SIRPG: variants seen among roughly 807,000 people sequenced by gnomAD.
The protein encoded by SIRPG is signal regulatory protein gamma, also known as signal-regulatory protein gamma.
In SIRPG, 38 loss-of-function variants were observed where a neutral mutation model predicts 35.7. The observed-to-expected ratio is 1.06, with a 90% CI of 0.82 to 1.40. The LOEUF (loss-of-function observed/expected upper bound fraction) is 1.40, where lower values mean the gene tolerates loss of function less well. Among genes scored for constraint, SIRPG ranks in the 40% most tolerant of loss-of-function variants. The probability of loss-of-function intolerance (pLI) is 0.00; values close to 1 mark genes in which losing one functional copy is unlikely to be tolerated. For synonymous variants in SIRPG, 215 were observed against 190.4 expected (o/e 1.13, Z -1.06); for missense variants, 519 against 483.0 (o/e 1.07, Z -0.70).
intron 4 of SIRPG, among the ~76,000 whole-genome samples, chr20:1,634,885 T>TA (rs1371369692): frequency 6.6e-6 from 1 of 151,314 alleles, no homozygotes; most frequent in East Asian, 2.0e-4. Context: ...CTACTAAAAA[T>TA]ACAAAAAATT....
At chr20:1,643,390 A>G (rs1429097011) in intron 2 of SIRPG, among the ~76,000 whole-genome samples, 1 of 152,096 alleles carries the variant, frequency 6.6e-6, no homozygotes, top group Non-Finnish European at 1.5e-5. Flanking sequence ...TGCTTCACAA[A>G]GTTCTTGTGC....
the SIRPG span, among the ~76,000 whole-genome samples, chr20:1,673,103 A>G: frequency 6.6e-6 from 1 of 152,160 alleles, no homozygotes; most frequent in African/African-American, 2.4e-5. Flanking sequence ...TATATCACAC[A>G]TATTTGCCTT....
chr20:1,673,518 T>C, the SIRPG span, among the ~76,000 whole-genome samples: 1 of 151,650 alleles, frequency 6.6e-6, no homozygotes, highest in African/African-American at 2.4e-5. Context: ...TGGTCATTAC[T>C]GCTTCTAAAT....
rs191782423 is a variant in SIRPG at position 1,656,388 on chromosome 20, T to C, written c.73+1254A>G. ...ATGCTGTGAGGATTAGTTGACTTAA[T>C]ACACACAAAATGCTAAGAAGTGCAT... On this transcript the variant is annotated intron_variant, in intron 1 of 5. Coordinates refer to ENST00000303415, the MANE Select transcript of SIRPG (RefSeq NM_018556.4). Among the ~76,000 whole-genome samples, 213 of 152,312 alleles carry C rather than the reference T, an allele frequency of 1.4e-3. 1 individual carries two copies. Among genetic ancestry groups the C allele is most frequent in the Admixed American group, 0.012 (187 of 15,300 alleles).
At chr20:1,637,388 C>G (rs1249473561) in intron 2 of SIRPG, 1 of 174,662 alleles carries the variant, frequency 5.7e-6, no homozygotes, top group African/African-American at 2.4e-5. Flanking sequence ...CTGGAGTGTC[C>G]TAATTAAGTA....
chr20:1,655,652 T>G (rs2091970652), intron 1 of SIRPG, among the ~76,000 whole-genome samples: 1 of 152,208 alleles, frequency 6.6e-6, no homozygotes, highest in Non-Finnish European at 1.5e-5. Flanking sequence ...TCTTGAAAAC[T>G]GCTGAGAGAG....
chr20:1,685,289 G>A, the SIRPG span, among the ~76,000 whole-genome samples: 38 of 152,326 alleles, frequency 2.5e-4, no homozygotes, highest in Non-Finnish European at 4.3e-4. Flanking sequence ...AAATGCATGT[G>A]TTGAAGCCCC....
At position 1,636,419 on chromosome 20, in the gene SIRPG, A is replaced by G. The variant is rs1208182683; in HGVS notation, c.517T>C (p.Phe173Leu). 6.2e-7 allele frequency: 1 copy of G among 1,614,200 alleles called. No homozygotes were observed. Among genetic ancestry groups the G allele is most frequent in the Non-Finnish European group, 8.5e-7 (1 of 1,180,026 alleles). ...TVSFTCESHG[F>L]SPRDITLKWF... ...TTCAGGGTGATGTCTCTGGGAGAGAAGCCATGGGACTCACAGGTGAAACTC... is the reference window on the plus strand; with the variant it reads ...TTCAGGGTGATGTCTCTGGGAGAGAGGCCATGGGACTCACAGGTGAAACTC... The change falls in exon 3 of 6, where the codon TTC becomes CTC. Residue 173 changes from phenylalanine (F) to leucine (L), a missense_variant. Transcript: ENST00000303415.
chr20:1,636,158 G>C, intron 3 of SIRPG, 30 bp downstream of exon 3: 2 of 1,604,556 alleles, frequency 1.2e-6, no homozygotes, highest in South Asian at 2.2e-5. Context: ...AGCCAGGTGT[G>C]GGCTTGGGCT....
chr20:1,652,911 T>A (rs977156228), intron 1 of SIRPG, among the ~76,000 whole-genome samples: 1 of 152,208 alleles, frequency 6.6e-6, no homozygotes, highest in Admixed American at 6.5e-5. Context: ...ATAGTAGGTA[T>A]CCAATAGATA....
chr20:1,657,472 G>A (rs564252559), intron 1 of SIRPG, among the ~76,000 whole-genome samples, 170 bp downstream of exon 1: 86 of 152,344 alleles, frequency 5.6e-4, no homozygotes, highest in Non-Finnish European at 9.8e-4. Context: ...GTAGCCAGCT[G>A]CAGATCCACA....
chr20:1,657,549 G>T, intron 1 of SIRPG, 93 bp downstream of exon 1: 1 of 1,245,902 alleles, frequency 8.0e-7, no homozygotes, highest in Non-Finnish European at 1.2e-6. Context: ...TTCCTTGGCA[G>T]TGCTTGTGCT....
rs7269746 is a variant in SIRPG at position 1,655,981 on chromosome 20, T to C, written c.73+1661A>G. ...CAAATATATATAAAAGTTTGGCTTA[T>C]CATGTTAGTATATAAGGTTGTTTTG... is the stretch of plus-strand genomic sequence containing the variant. On this transcript the variant is annotated intron_variant, in intron 1 of 5. Transcript: ENST00000303415. Among the ~76,000 whole-genome samples the C allele has an allele frequency of 4.5e-3, 689 of 152,288 alleles. 4 individuals are homozygous for C. The highest frequency in any genetic ancestry group is 0.015 in the African/African-American group (609 of 41,566).
At chr20:1,635,043 A>C (rs1477222595) in intron 4 of SIRPG, among the ~76,000 whole-genome samples, 2 of 36,446 alleles carry the variant, frequency 5.5e-5, no homozygotes, top group African/African-American at 1.4e-4. Context: ...ACTCCGTCTC[A>C]AAAAAAAAAA....
At chr20:1,636,852 G>A (rs182489262) in intron 2 of SIRPG, among the ~76,000 whole-genome samples, 1 of 149,994 alleles carries the variant, frequency 6.7e-6, no homozygotes, top group Non-Finnish European at 1.5e-5. Flanking sequence ...GTTTCCCCAG[G>A]AGAGCTCACC....
chr20:1,668,204 TTTC>T, the SIRPG span, among the ~76,000 whole-genome samples: 1,200 of 40,884 alleles, frequency 0.029, 29 homozygotes, highest in African/African-American at 0.078. Flanking sequence ...TTTTCTTTTC[TTTC>T]TTTCTTTCTT....
the SIRPG span, among the ~76,000 whole-genome samples, chr20:1,675,827 A>G: frequency 1.3e-5 from 2 of 152,202 alleles, no homozygotes; most frequent in Non-Finnish European, 2.9e-5. Context: ...AACCTCAAAG[A>G]GCATGTTTGT....
intron 1 of SIRPG, among the ~76,000 whole-genome samples, chr20:1,654,340 A>G (rs73080796): frequency 0.039 from 5,908 of 152,298 alleles, 138 homozygotes; most frequent in Middle Eastern, 0.058. Flanking sequence ...TGGCATAAAA[A>G]GAGATATATA....
At chr20:1,651,027 A>G (rs1281209070) in intron 1 of SIRPG, among the ~76,000 whole-genome samples, 2 of 152,204 alleles carry the variant, frequency 1.3e-5, no homozygotes, top group Non-Finnish European at 2.9e-5. Flanking sequence ...GTGTCCTTCA[A>G]ACACAAGGGA....
Sources: gnomAD v4.1 joint callset for allele counts (sites outside exome capture counted in the v4.1 genomes callset) on GRCh38, gnomAD v4.1.1 for gene constraint, MANE v1.5 for transcripts, NCBI Gene and HGNC (gene_info 2026-07-23, HGNC 2026-07-21) for gene names.